Variants in ARHGAP10 observed in about 807,000 individuals in gnomAD.
ARHGAP10 encodes the protein rho GTPase-activating protein 10.
ARHGAP10 carries 87 observed loss-of-function variants against 108.6 expected under a neutral mutation model. That is an observed-to-expected ratio of 0.80 (90% CI 0.67 to 0.96). The LOEUF (loss-of-function observed/expected upper bound fraction) is 0.96. Ranked by LOEUF, ARHGAP10 falls within the 40% of genes least tolerant of loss-of-function variation. The pLI, the probability that ARHGAP10 is intolerant of heterozygous loss-of-function variation, is 0.00. For missense variants in ARHGAP10, 939 were observed against 954.5 expected (o/e 0.98, Z 0.21); for synonymous variants, 347 against 341.1 (o/e 1.02, Z -0.19).
At chr4:147,824,384 C>G (rs528187742) in intron 3 of ARHGAP10, among the ~76,000 whole-genome samples, 1 of 151,602 alleles carries the variant, frequency 6.6e-6, no homozygotes, top group Non-Finnish European at 1.5e-5. Context: ...TCTAGAATTA[C>G]GTTATAGTGT....
intron 3 of ARHGAP10, among the ~76,000 whole-genome samples, chr4:147,827,704 T>A (rs1732772882): frequency 6.6e-6 from 1 of 152,230 alleles, no homozygotes; most frequent in South Asian, 2.1e-4. Flanking sequence ...ACCATCAGCA[T>A]GTTAAAAGCC....
intron 4 of ARHGAP10, among the ~76,000 whole-genome samples, chr4:147,854,317 C>T (rs1046509868): frequency 8.5e-5 from 13 of 152,178 alleles, no homozygotes; most frequent in Non-Finnish European, 1.6e-4. Flanking sequence ...GGCCAACATA[C>T]TGGGCTTGTG....
intron 18 of ARHGAP10, among the ~76,000 whole-genome samples, chr4:148,013,441 C>A (rs1578790507): frequency 1.3e-5 from 2 of 152,256 alleles, no homozygotes; most frequent in East Asian, 1.9e-4. Flanking sequence ...GTAATCCCAG[C>A]ACTTTGGGAG....
intron 13 of ARHGAP10, 29 bp downstream of exon 13, chr4:147,913,168 A>G (rs774409237): frequency 1.5e-5 from 24 of 1,589,360 alleles, no homozygotes; most frequent in Admixed American, 5.0e-5. Flanking sequence ...TTCATTCATG[A>G]GAGGCTATAG....
intron 1 of ARHGAP10, among the ~76,000 whole-genome samples, chr4:147,750,032 C>A (rs1578998033): frequency 6.6e-6 from 1 of 152,152 alleles, no homozygotes; most frequent in East Asian, 1.9e-4. Context: ...TTTATCTTGA[C>A]AAGCAAAGAA....
intron 12 of ARHGAP10, among the ~76,000 whole-genome samples, chr4:147,912,229 C>T (rs944628053): frequency 7.3e-5 from 11 of 151,660 alleles, no homozygotes; most frequent in African/African-American, 9.7e-5. Flanking sequence ...TCTGATATTC[C>T]AGCAAGTGCT....
chr4:147,879,076 C>G (rs1322393551), intron 8 of ARHGAP10, among the ~76,000 whole-genome samples, 156 bp from the exon 9 acceptor site: 1 of 152,164 alleles, frequency 6.6e-6, no homozygotes, highest in East Asian at 1.9e-4. Flanking sequence ...GGCCTCCCCT[C>G]TTCTTCTTAG....
chr4:147,941,779 C>G (rs985184870), intron 14 of ARHGAP10, among the ~76,000 whole-genome samples: 1 of 152,166 alleles, frequency 6.6e-6, no homozygotes, highest in African/African-American at 2.4e-5. Context: ...ATACCATTTT[C>G]TTATTACCTT....
intron 3 of ARHGAP10, among the ~76,000 whole-genome samples, chr4:147,830,793 T>G (rs1275274322): frequency 6.6e-6 from 1 of 152,244 alleles, no homozygotes; most frequent in Non-Finnish European, 1.5e-5. Context: ...GTGTTGGGAT[T>G]ACAGATGTGA....
chr4:148,017,423 C>G (rs141494700), intron 18 of ARHGAP10, among the ~76,000 whole-genome samples: 1 of 152,048 alleles, frequency 6.6e-6, no homozygotes, highest in Non-Finnish European at 1.5e-5. Context: ...ACTATGTTTA[C>G]CAGGTATAGA....
intron 1 of ARHGAP10, among the ~76,000 whole-genome samples, chr4:147,748,291 G>A (rs1450668760): frequency 1.3e-5 from 2 of 152,184 alleles, no homozygotes; most frequent in Non-Finnish European, 2.9e-5. Flanking sequence ...TGGCCAGCCT[G>A]AATCATGTGC....
chr4:147,894,025 C>T (rs950838405), intron 10 of ARHGAP10, among the ~76,000 whole-genome samples: 3 of 152,104 alleles, frequency 2.0e-5, no homozygotes, highest in African/African-American at 7.2e-5. Context: ...CTGAAGGATA[C>T]TGGAGCATGG....
intron 8 of ARHGAP10, among the ~76,000 whole-genome samples, chr4:147,877,033 T>C (rs1055688017): frequency 6.6e-6 from 1 of 152,096 alleles, no homozygotes; most frequent in African/African-American, 2.4e-5. Flanking sequence ...GCATCATTAG[T>C]GTGTATGCCC....
chr4:148,029,090 TG>T (rs1437662405), intron 19 of ARHGAP10, among the ~76,000 whole-genome samples: 1 of 152,186 alleles, frequency 6.6e-6, no homozygotes, highest in African/African-American at 2.4e-5. Context: ...TAGAATGTCT[TG>T]GTATAAATAG....
chr4:147,834,741 C>T (rs956355275), intron 3 of ARHGAP10, among the ~76,000 whole-genome samples: 1 of 145,826 alleles, frequency 6.9e-6, no homozygotes, highest in Non-Finnish European at 1.5e-5. Flanking sequence ...CACACCCACC[C>T]ACCTGCCCCC....
intron 18 of ARHGAP10, among the ~76,000 whole-genome samples, chr4:148,018,755 A>T (rs1218606716): frequency 6.6e-6 from 1 of 152,198 alleles, no homozygotes; most frequent in Non-Finnish European, 1.5e-5. Context: ...TAAGAATTAA[A>T]TGTTGTTTGT....
intron 18 of ARHGAP10, among the ~76,000 whole-genome samples, chr4:148,017,198 C>T (rs2149659112): frequency 6.6e-6 from 1 of 152,260 alleles, no homozygotes; most frequent in South Asian, 2.1e-4. Flanking sequence ...TGTTCAGATT[C>T]TTCTTGGCCT....
At chr4:147,813,397 C>G (rs1272155851) in intron 1 of ARHGAP10, among the ~76,000 whole-genome samples, 17 of 152,114 alleles carry the variant, frequency 1.1e-4, no homozygotes, top group African/African-American at 3.4e-4. Context: ...GATGGGACAC[C>G]AGATAGCTAC....
chr4:147,853,965 T>G (rs1349079805), intron 4 of ARHGAP10, among the ~76,000 whole-genome samples: 2 of 152,212 alleles, frequency 1.3e-5, no homozygotes, highest in Non-Finnish European at 2.9e-5. Flanking sequence ...CTCTTCCTTT[T>G]TTTAAACCCA....
Sources: allele counts gnomAD v4.1 joint callset (sites outside exome capture counted in the v4.1 genomes callset), GRCh38; gene constraint gnomAD v4.1.1; transcripts MANE v1.5; gene names NCBI Gene and HGNC (gene_info 2026-07-23, HGNC 2026-07-21).